CR1: variants seen among roughly 807,000 people sequenced by gnomAD.
The protein encoded by CR1 is complement receptor type 1.
A neutral mutation model predicts 187.3 loss-of-function variants in CR1; 116 were observed. The ratio of observed to expected loss-of-function variants is 0.62; its 90% CI spans 0.53 to 0.72. CR1 has a LOEUF of 0.72. Ranked by LOEUF, CR1 falls within the 30% of genes least tolerant of loss-of-function variation. The pLI is 0.00. For synonymous variants in CR1, 576 were observed against 747.1 expected, an observed-to-expected ratio of 0.77 and a Z score of 3.73; for missense variants, 1,731 against 2,110.7, an observed-to-expected ratio of 0.82 and a Z score of 3.52.
At chr1:207,593,828 T>C (rs898109083) in intron 35 of CR1, among the ~76,000 whole-genome samples, 2 of 152,192 alleles carry the variant, frequency 1.3e-5, no homozygotes, top group African/African-American at 4.8e-5. Context: ...AGAAGACATT[T>C]ATGCAGCCAA....
At chr1:207,610,574 C>T (rs559602786) in intron 37 of CR1, among the ~76,000 whole-genome samples, 125 of 152,266 alleles carry the variant, frequency 8.2e-4, no homozygotes, top group Non-Finnish European at 1.7e-3. Flanking sequence ...TCAAGCAATC[C>T]TCCTGCCTCA....
chr1:207,501,320 T>C (rs1156807081), intron 1 of CR1, among the ~76,000 whole-genome samples: 1 of 152,250 alleles, frequency 6.6e-6, no homozygotes, highest in East Asian at 1.9e-4. Flanking sequence ...GTCTTCATTT[T>C]GGTGATGGTT....
At chr1:207,517,511 A>G (rs1659842898) in intron 4 of CR1, among the ~76,000 whole-genome samples, 2 of 152,062 alleles carry the variant, frequency 1.3e-5, no homozygotes, top group Admixed American at 6.6e-5. Flanking sequence ...TTGGGCATCA[A>G]GATTATGTTG....
intron 2 of CR1, 91 bp downstream of exon 2, chr1:207,506,174 T>G (rs1002480865): frequency 6.8e-7 from 1 of 1,463,912 alleles, no homozygotes; most frequent in African/African-American, 1.4e-5. Flanking sequence ...GAGTTGCATA[T>G]GACAATTAGT....
At position 207,578,246 on chromosome 1, in the gene CR1, T is replaced by C. The variant is rs368034349; in HGVS notation, c.4936+43T>C. 435 of 1,611,550 alleles carry C rather than the reference T, an allele frequency of 2.7e-4. 5 individuals are homozygous for C. In the South Asian group the frequency reaches 4.4e-3, roughly 16 times the overall value. ...CTAGAAGGGCCCTGCCAGTGACATG[T>C]GTTGCTGTTGGATCAGGAGATGAGT... On this transcript the variant is annotated intron_variant, in intron 29 of 46. Transcript: ENST00000367049.
rs55918544 is a variant in CR1, at chr1:207,623,587, AACACACACACACACACACACACACAC to A, written c.7352+545_7352+570del. Among the ~76,000 whole-genome samples, 3 of 144,230 alleles carry A rather than the reference AACACACACACACACACACACACACAC, an allele frequency of 2.1e-5. No homozygotes were observed. In the South Asian group the frequency reaches 7.0e-4, roughly 33 times the overall value. The allele number at this position is 144,230 out of a possible 152,430, so 94.6% of individuals were successfully genotyped here. ...GTGACAGAGTGAGACTACATCTCAA[AACACACACACACACACACACACACAC>A]ACACACACACACACACACACACACA... On this transcript the variant is annotated intron_variant, in intron 45 of 46. Coordinates refer to ENST00000367049, the MANE Select transcript of CR1 (RefSeq NM_000651.6).
chr1:207,593,543 G>C (rs1191041233), intron 35 of CR1, among the ~76,000 whole-genome samples: 2 of 152,182 alleles, frequency 1.3e-5, no homozygotes, highest in Non-Finnish European at 2.9e-5. Context: ...CAGGACATAG[G>C]CATGGGCAAA....
chr1:207,553,479 G>A (rs1192116107), intron 19 of CR1, among the ~76,000 whole-genome samples: 9 of 5,402 alleles, frequency 1.7e-3, no homozygotes, highest in African/African-American at 6.0e-3. Flanking sequence ...TATTGTCATT[G>A]TTTGGGGTCC....
chr1:207,626,231 T>G (rs1339453563), intron 45 of CR1, among the ~76,000 whole-genome samples: 2 of 152,218 alleles, frequency 1.3e-5, no homozygotes, highest in African/African-American at 4.8e-5. Flanking sequence ...AGTGAGTGCA[T>G]TTATCTAACA....
chr1:207,523,341 A>G (rs1660056353), intron 4 of CR1, among the ~76,000 whole-genome samples: 1 of 152,236 alleles, frequency 6.6e-6, no homozygotes, highest in Non-Finnish European at 1.5e-5. Flanking sequence ...ATACTATAAC[A>G]CTATGATCAA....
intron 44 of CR1, 104 bp from the exon 45 acceptor site, chr1:207,622,889 A>T (rs1662354447): frequency 2.6e-6 from 2 of 772,906 alleles, no homozygotes; most frequent in East Asian, 5.4e-5. Flanking sequence ...TCTTTAAAAA[A>T]AAAAAAGCAT....
chr1:207,497,572 C>A (rs1019390886), intron 1 of CR1, among the ~76,000 whole-genome samples: 7 of 152,158 alleles, frequency 4.6e-5, no homozygotes, highest in African/African-American at 1.7e-4. Context: ...TATTTGATCT[C>A]CTTAGGCACC....
At chr1:207,611,073 C>T (rs943255553) in intron 37 of CR1, among the ~76,000 whole-genome samples, 1 of 151,944 alleles carries the variant, frequency 6.6e-6, no homozygotes, top group Non-Finnish European at 1.5e-5. Context: ...CCCCACCTCC[C>T]CTCCCTACCC....
intron 37 of CR1, among the ~76,000 whole-genome samples, chr1:207,609,918 A>G (rs1351789017): frequency 6.6e-6 from 1 of 152,236 alleles, no homozygotes; most frequent in African/African-American, 2.4e-5. Flanking sequence ...CAGCAAATAT[A>G]TGAAGTAGCT....
chr1:207,585,520 A>G (rs1661087342), intron 33 of CR1, among the ~76,000 whole-genome samples: 1 of 152,222 alleles, frequency 6.6e-6, no homozygotes, highest in Non-Finnish European at 1.5e-5. Flanking sequence ...AAGGAGGGGA[A>G]GAAGTTGCCT....
intron 35 of CR1, among the ~76,000 whole-genome samples, chr1:207,596,075 C>CTATATA (rs555640740): frequency 5.6e-5 from 7 of 124,548 alleles, no homozygotes; most frequent in African/African-American, 1.3e-4. Flanking sequence ...ATATCTATAT[C>CTATATA]TATATATATA....
intron 1 of CR1, among the ~76,000 whole-genome samples, chr1:207,498,259 T>G (rs1011996789): frequency 8.5e-5 from 13 of 152,220 alleles, no homozygotes; most frequent in Non-Finnish European, 1.8e-4. Flanking sequence ...CGTGCAAGAC[T>G]GCAGGATCAC....
intron 4 of CR1, among the ~76,000 whole-genome samples, chr1:207,521,563 T>C (rs1194891475): frequency 6.6e-6 from 1 of 151,312 alleles, no homozygotes; most frequent in East Asian, 1.9e-4. Context: ...ATTCTTAATT[T>C]CAGCAATCAT....
intron 40 of CR1, among the ~76,000 whole-genome samples, 169 bp from the exon 41 acceptor site, chr1:207,616,406 T>A (rs990414629): frequency 6.6e-6 from 1 of 152,208 alleles, no homozygotes; most frequent in Non-Finnish European, 1.5e-5. Context: ...AGGTCTCACT[T>A]CAGTTAGTTG....
Sources: gnomAD v4.1 joint callset for allele counts (sites outside exome capture counted in the v4.1 genomes callset) on GRCh38, gnomAD v4.1.1 for gene constraint, MANE v1.5 for transcripts, NCBI Gene and HGNC (gene_info 2026-07-23, HGNC 2026-07-21) for gene names.